HSD17B4: variants seen among roughly 807,000 people sequenced by gnomAD.
The protein encoded by HSD17B4 is hydroxysteroid 17-beta dehydrogenase 4.
HSD17B4 carries 70 observed loss-of-function variants against 101.0 expected under a neutral mutation model. The ratio of observed to expected loss-of-function variants is 0.69; its 90% CI spans 0.57 to 0.85. HSD17B4 has a LOEUF of 0.85. Among genes scored for constraint, HSD17B4 ranks in the 40% least tolerant of loss-of-function variants. The pLI is 0.00. For missense variants in HSD17B4, 984 were observed against 892.4 expected (o/e 1.10, Z -1.31); for synonymous variants, 347 against 297.1 (o/e 1.17, Z -1.73).
chr5:119,497,506 G>A (rs1237358187), intron 12 of HSD17B4, among the ~76,000 whole-genome samples: 5 of 152,106 alleles, frequency 3.3e-5, no homozygotes. Flanking sequence ...GAGTTGTGTG[G>A]GAATTTGTAT....
At chr5:119,540,903 T>C (rs1286042345) in intron 23 of HSD17B4, among the ~76,000 whole-genome samples, 1 of 152,146 alleles carries the variant, frequency 6.6e-6, no homozygotes, top group Non-Finnish European at 1.5e-5. Flanking sequence ...TCAACTGGGG[T>C]AAGAACTGCT....
At chr5:119,456,215 T>C (rs1189437944) in intron 1 of HSD17B4, 100 bp from the exon 2 acceptor site, 2 of 783,740 alleles carry the variant, frequency 2.6e-6, no homozygotes, top group Admixed American at 3.5e-5. Context: ...AAAATGTAAT[T>C]AATTGTTCAC....
chr5:119,483,582 TA>T (rs1253708086), intron 8 of HSD17B4, among the ~76,000 whole-genome samples: 2 of 152,144 alleles, frequency 1.3e-5, no homozygotes, highest in African/African-American at 4.8e-5. Context: ...TCCATAATTT[TA>T]AAAAATGCTT....
chr5:119,519,097 C>T (rs933406561), intron 17 of HSD17B4, among the ~76,000 whole-genome samples: 2 of 152,168 alleles, frequency 1.3e-5, no homozygotes, highest in African/African-American at 4.8e-5. Flanking sequence ...GTGATTACAC[C>T]ACTGCACTCC....
At chr5:119,498,015 G>A (rs1750806443) in intron 12 of HSD17B4, among the ~76,000 whole-genome samples, 1 of 152,122 alleles carries the variant, frequency 6.6e-6, no homozygotes, top group Non-Finnish European at 1.5e-5. Context: ...ATGGCTGCAA[G>A]TAAAATGCTT....
rs757654548 is a variant in HSD17B4 at position 119,475,729 on chromosome 5, T to C, written c.302+2T>C. On this transcript the variant is annotated splice_donor_variant, in intron 5 of 23. Coordinates refer to ENST00000510025, the MANE Select transcript of HSD17B4 (RefSeq NM_000414.4). LOFTEE classifies it high-confidence loss of function. ...AGATGTTGTGGTCAACAATGCTGGG[T>C]GAGTATTTCTTTTTCATTTTTAGTG... 2 of 1,597,944 alleles carry C rather than the reference T, an allele frequency of 1.3e-6. No homozygotes were observed. The highest frequency in any genetic ancestry group is 1.7e-6 in the Non-Finnish European group (2 of 1,166,766).
Position 119,463,651 on chromosome 5 carries a change from A to G in HSD17B4, c.112+7283A>G, listed in dbSNP as rs545049501. ...TTTCATATACTTCTTGGCCATTTAT[A>G]TGTCTTTTTTTTTTTTTTTTTTTTT... On this transcript the variant is annotated intron_variant, in intron 2 of 23. Transcript: ENST00000510025. 6.9e-4 allele frequency among the ~76,000 whole-genome samples: 30 copies of G among 43,378 alleles called. No homozygotes were observed. The East Asian group carries it at 0.021, about 31-fold the overall frequency. 28.5% of individuals were successfully genotyped at this position (43,378 alleles called of 152,430 possible).
intron 8 of HSD17B4, among the ~76,000 whole-genome samples, chr5:119,482,949 A>G (rs941498175): frequency 1.3e-5 from 2 of 150,694 alleles, no homozygotes; most frequent in Non-Finnish European, 3.0e-5. Context: ...TGGGAAAGCT[A>G]GAGAAGTTCC....
intron 1 of HSD17B4, 197 bp downstream of exon 1, chr5:119,452,830 C>T: frequency 6.5e-7 from 1 of 1,535,938 alleles, no homozygotes; most frequent in Non-Finnish European, 8.7e-7. Context: ...AGGTACAGCC[C>T]GCTTCTCCCC....
At chr5:119,532,253 T>C (rs1754178019) in intron 22 of HSD17B4, among the ~76,000 whole-genome samples, 1 of 152,134 alleles carries the variant, frequency 6.6e-6, no homozygotes, top group African/African-American at 2.4e-5. Flanking sequence ...GCAGAGTCTG[T>C]TGCTTGTCAC....
Position 119,474,194 on chromosome 5 carries a change from C to T in HSD17B4, c.220+179C>T, listed in dbSNP as rs34117860. Among the ~76,000 whole-genome samples the T allele has an allele frequency of 3.3e-5, 5 of 152,248 alleles. No individual in the cohort carries two copies. In the East Asian group the frequency reaches 9.6e-4, roughly 29 times the overall value. On this transcript the variant is annotated intron_variant, in intron 3 of 23. Coordinates refer to ENST00000510025, the MANE Select transcript of HSD17B4 (RefSeq NM_000414.4). ...GAATTGTTAAAACTTTTGATGTAGA[C>T]TATTTCATGATTCTAAGCTTTGTTC...
At position 119,514,971 on chromosome 5, in the gene HSD17B4, T is replaced by G. The variant is rs1315480246; in HGVS notation, c.1438-10T>G. On this transcript the variant is annotated splice_polypyrimidine_tract_variant and intron_variant, in intron 16 of 23. Transcript: ENST00000510025. ...TATTTAAGATTTAACATGTAATGTCTTAATTTTAGGTAGCTGTAGCCATAC... is the reference window on the plus strand; with the variant it reads ...TATTTAAGATTTAACATGTAATGTCGTAATTTTAGGTAGCTGTAGCCATAC... 1 of 1,466,060 alleles carries G rather than the reference T, an allele frequency of 6.8e-7. No homozygotes were observed. Among genetic ancestry groups the G allele is most frequent in the Non-Finnish European group, 9.6e-7 (1 of 1,045,282 alleles). 90.8% of individuals were successfully genotyped at this position (1,466,060 alleles called of 1,614,324 possible).
chr5:119,496,693 C>A, intron 12 of HSD17B4, 47 bp downstream of exon 12: 2 of 979,494 alleles, frequency 2.0e-6, no homozygotes, highest in Non-Finnish European at 3.3e-6. Flanking sequence ...TGGAGACTTT[C>A]CCTCCCTTCT....
intron 11 of HSD17B4, among the ~76,000 whole-genome samples, chr5:119,494,828 C>G (rs1439509527): frequency 6.6e-6 from 1 of 152,088 alleles, no homozygotes; most frequent in Non-Finnish European, 1.5e-5. Flanking sequence ...ATTATTTAAT[C>G]TCCTGTTACA....
intron 13 of HSD17B4, among the ~76,000 whole-genome samples, 178 bp from the exon 14 acceptor site, chr5:119,501,862 AT>A (rs1751198391): frequency 6.6e-6 from 1 of 152,100 alleles, no homozygotes. Context: ...CTGTCTTGAG[AT>A]TGGGGGATTG....
Position 119,452,500 on chromosome 5 carries a change from C to G in HSD17B4, c.-76C>G, listed in dbSNP as rs1463024795. 3 of 1,610,294 alleles carry G rather than the reference C, an allele frequency of 1.9e-6. No individual in the cohort carries two copies. The highest frequency in any genetic ancestry group is 1.7e-5 in the Admixed American group (1 of 59,990). ...TGACCCTCGTCCCGCCCCCGCCATTCCCCGCCTCCTCCTGTCCCGCAGTCG... is the reference window on the plus strand; with the variant it reads ...TGACCCTCGTCCCGCCCCCGCCATTGCCCGCCTCCTCCTGTCCCGCAGTCG... On this transcript the variant is annotated 5_prime_UTR_variant, in exon 1 of 24. Transcript: ENST00000510025.
chr5:119,515,409 G>A (rs1258331285), intron 17 of HSD17B4, among the ~76,000 whole-genome samples: 1 of 152,126 alleles, frequency 6.6e-6, no homozygotes, highest in Non-Finnish European at 1.5e-5. Flanking sequence ...TAAAAGGCAA[G>A]TAAGTATTAG....
intron 15 of HSD17B4, among the ~76,000 whole-genome samples, chr5:119,508,628 C>T (rs1412143910): frequency 6.6e-6 from 1 of 152,150 alleles, no homozygotes; most frequent in African/African-American, 2.4e-5. Flanking sequence ...TTAATAAACA[C>T]TTATTAGGTG....
At chr5:119,510,959 T>C (rs570790550) in intron 16 of HSD17B4, among the ~76,000 whole-genome samples, 1 of 152,190 alleles carries the variant, frequency 6.6e-6, no homozygotes, top group Admixed American at 6.5e-5. Context: ...ACTTACAGAG[T>C]GGAGACTTTA....
Sources: gnomAD v4.1 joint callset for allele counts (sites outside exome capture counted in the v4.1 genomes callset) on GRCh38, gnomAD v4.1.1 for gene constraint, MANE v1.5 for transcripts, NCBI Gene and HGNC (gene_info 2026-07-23, HGNC 2026-07-21) for gene names.